The following DPYD variants were observed in gnomAD, a reference collection of about 807,000 sequenced individuals.
The protein encoded by DPYD is dihydropyrimidine dehydrogenase, also known as dihydropyrimidine dehydrogenase [NADP(+)].
Under a neutral mutation model 116.2 loss-of-function variants are expected in DPYD, and 109 were observed. The ratio of observed to expected loss-of-function variants is 0.94; its 90% CI spans 0.80 to 1.10. DPYD has a LOEUF of 1.10. Ranked by LOEUF, DPYD falls within the 50% of genes least tolerant of loss-of-function variation. The pLI is 0.00. For synonymous variants in DPYD, 440 were observed against 432.0 expected (o/e 1.02, Z -0.23); for missense variants, 1,302 against 1,254.5 (o/e 1.04, Z -0.57).
intron 19 of DPYD, among the ~76,000 whole-genome samples, chr1:97,225,956 C>T (rs894771874): frequency 5.3e-5 from 8 of 151,876 alleles, no homozygotes; most frequent in Admixed American, 3.3e-4. Flanking sequence ...AAGTATAGGC[C>T]GTATCTCTGA....
At chr1:97,419,087 C>T (rs1046430487) in intron 14 of DPYD, among the ~76,000 whole-genome samples, 1 of 152,018 alleles carries the variant, frequency 6.6e-6, no homozygotes, top group Non-Finnish European at 1.5e-5. Flanking sequence ...TAAGTGCTTC[C>T]TAGACAACCC....
chr1:97,151,589 C>T lies in DPYD; in HGVS notation c.2622+41480G>A, dbSNP rs978172533. 7.2e-5 allele frequency among the ~76,000 whole-genome samples: 11 copies of T among 152,092 alleles called. No individual in the cohort carries two copies. The East Asian group carries it at 1.4e-3, about 19-fold the overall frequency. On this transcript the variant is annotated intron_variant, in intron 20 of 22. Transcript: ENST00000370192. ...ACTCGGCAGGCTGAGGCAGGACAAT[C>T]GATTGAACCTGGGAGGCGGAATTTG...
rs1466805645 is a variant in DPYD at position 97,121,358 on chromosome 1, T to C, written c.2623-22726A>G. Among the ~76,000 whole-genome samples, 5 of 152,200 alleles carry C rather than the reference T, an allele frequency of 3.3e-5. No individual in the cohort carries two copies. In the East Asian group the frequency reaches 9.6e-4, roughly 29 times the overall value. On this transcript the variant is annotated intron_variant, in intron 20 of 22. Transcript: ENST00000370192. ...ATTGGCCTTCACTATATCCCTTCCATGACTTTTTCCCCTCTTGGCACTTCT... is the reference window on the plus strand; with the variant it reads ...ATTGGCCTTCACTATATCCCTTCCACGACTTTTTCCCCTCTTGGCACTTCT...
intron 8 of DPYD, among the ~76,000 whole-genome samples, chr1:97,646,466 C>G (rs1553211897): frequency 6.6e-6 from 1 of 151,920 alleles, no homozygotes; most frequent in Non-Finnish European, 1.5e-5. Context: ...TTTGTCAACT[C>G]ACTTTCTATT....
At chr1:97,272,175 C>T (rs973074226) in intron 18 of DPYD, among the ~76,000 whole-genome samples, 1 of 152,064 alleles carries the variant, frequency 6.6e-6, no homozygotes, top group African/African-American at 2.4e-5. Context: ...CTCCAACTTC[C>T]TCTATATTTT....
At chr1:97,211,863 T>C (rs1660052812) in intron 19 of DPYD, among the ~76,000 whole-genome samples, 3 of 152,100 alleles carry the variant, frequency 2.0e-5, no homozygotes, top group Admixed American at 2.0e-4. Flanking sequence ...ATACATATCT[T>C]AAATAAAGGT....
intron 8 of DPYD, among the ~76,000 whole-genome samples, chr1:97,659,606 C>T (rs1659137631): frequency 6.6e-6 from 1 of 152,132 alleles, no homozygotes; most frequent in Admixed American, 6.5e-5. Context: ...CTTCCTTCAA[C>T]TAAAGTTGAA....
intron 4 of DPYD, among the ~76,000 whole-genome samples, chr1:97,736,225 T>C (rs1571273077): frequency 6.6e-6 from 1 of 152,180 alleles, no homozygotes. Context: ...TAGACTTCCA[T>C]TCATTTTTCA....
At chr1:97,681,028 G>A (rs1224679607) in intron 7 of DPYD, among the ~76,000 whole-genome samples, 2 of 152,090 alleles carry the variant, frequency 1.3e-5, no homozygotes, top group Non-Finnish European at 2.9e-5. Flanking sequence ...CCATGAACTG[G>A]TAATTACAGC....
intron 13 of DPYD, among the ~76,000 whole-genome samples, chr1:97,503,112 C>T (rs534244767): frequency 1.3e-5 from 2 of 152,064 alleles, no homozygotes; most frequent in South Asian, 4.1e-4. Flanking sequence ...TAGCCTTCTG[C>T]ATGCAAGCTT....
chr1:97,563,793 T>A (rs777155574), intron 11 of DPYD, among the ~76,000 whole-genome samples: 3 of 152,162 alleles, frequency 2.0e-5, no homozygotes, highest in Non-Finnish European at 4.4e-5. Flanking sequence ...AACACTGTTA[T>A]CAGTTTGACC....
At chr1:97,795,291 T>A (rs1667509566) in intron 3 of DPYD, among the ~76,000 whole-genome samples, 1 of 152,076 alleles carries the variant, frequency 6.6e-6, no homozygotes, top group Non-Finnish European at 1.5e-5. Context: ...TTTAATTCAT[T>A]CATTCAACAA....
intron 8 of DPYD, among the ~76,000 whole-genome samples, chr1:97,644,748 G>A (rs746096355): frequency 2.8e-4 from 42 of 151,440 alleles, no homozygotes; most frequent in South Asian, 6.3e-4. Context: ...ATGAGCCACC[G>A]CACCTGGCCA....
At chr1:97,559,250 T>C (rs1251745566) in intron 11 of DPYD, among the ~76,000 whole-genome samples, 1 of 152,118 alleles carries the variant, frequency 6.6e-6, no homozygotes, top group Non-Finnish European at 1.5e-5. Context: ...AAATGTTTCA[T>C]ATAAAATTCC....
At chr1:97,917,254 A>C (rs1674263196) in intron 1 of DPYD, among the ~76,000 whole-genome samples, 1 of 152,172 alleles carries the variant, frequency 6.6e-6, no homozygotes, top group Non-Finnish European at 1.5e-5. Context: ...GCTTTGTATA[A>C]AGTGGAATCT....
rs377591393 is a variant in DPYD, at chr1:97,396,729, G to A, written c.1906-14268C>T. Among the ~76,000 whole-genome samples the A allele has an allele frequency of 1.1e-4, 17 of 151,924 alleles. No homozygotes were observed. The East Asian group carries it at 1.6e-3, about 14-fold the overall frequency. On this transcript the variant is annotated intron_variant, in intron 14 of 22. Coordinates refer to ENST00000370192, the MANE Select transcript of DPYD (RefSeq NM_000110.4). ...GAACCTCTTATATATACTGCCTACC[G>A]CATGCCACATGTACTTTTAGATGTC...
At chr1:97,704,559 T>C (rs1047777472) in intron 5 of DPYD, among the ~76,000 whole-genome samples, 15 of 152,132 alleles carry the variant, frequency 9.9e-5, no homozygotes, top group African/African-American at 2.9e-4. Context: ...ATTCCTTTTA[T>C]TAAACTACAT....
At chr1:97,343,970 G>C (rs1375425944) in intron 16 of DPYD, among the ~76,000 whole-genome samples, 1 of 151,532 alleles carries the variant, frequency 6.6e-6, no homozygotes, top group Non-Finnish European at 1.5e-5. Context: ...CTGTTTCCAT[G>C]GTAAAGCTTC....
chr1:97,801,432 AAT>A (rs1212334291), intron 3 of DPYD, among the ~76,000 whole-genome samples: 1 of 151,936 alleles, frequency 6.6e-6, no homozygotes, highest in Non-Finnish European at 1.5e-5. Flanking sequence ...TTATGTCACT[AAT>A]TATGGCCCTG....
Sources: allele counts gnomAD v4.1 joint callset (sites outside exome capture counted in the v4.1 genomes callset), GRCh38; gene constraint gnomAD v4.1.1; transcripts MANE v1.5; gene names NCBI Gene and HGNC (gene_info 2026-07-23, HGNC 2026-07-21).